The following TMEM278 variants were observed in gnomAD, a reference collection of about 807,000 sequenced individuals.
TMEM278 encodes transmembrane protein 278.
chr1:1,428,373 C>T, the TMEM278 span, among the ~76,000 whole-genome samples: 10 of 152,052 alleles, frequency 6.6e-5, no homozygotes, highest in Admixed American at 5.2e-4. Context: ...CCAGGGGTGG[C>T]GGCAGCCGGG....
At chr1:1,427,386 T>A in the TMEM278 span, among the ~76,000 whole-genome samples, 18 of 20,408 alleles carry the variant, frequency 8.8e-4, no homozygotes, top group Middle Eastern at 0.033. Context: ...CACCCTGCCC[T>A]GCTCCCCTCT....
the TMEM278 span, chr1:1,426,002 C>A: frequency 7.2e-6 from 9 of 1,252,410 alleles, 1 homozygote; most frequent in Non-Finnish European, 9.1e-6. Context: ...CCAGGGTCCA[C>A]GGTCTGGCTG....
At chr1:1,427,082 T>A in the TMEM278 span, among the ~76,000 whole-genome samples, 283 of 88,496 alleles carry the variant, frequency 3.2e-3, 2 homozygotes, top group African/African-American at 0.011. Context: ...ATCTCCCCCC[T>A]CCCTCTTCCC....
At chr1:1,428,552 C>T in the TMEM278 span, among the ~76,000 whole-genome samples, 2 of 152,188 alleles carry the variant, frequency 1.3e-5, no homozygotes, top group Non-Finnish European at 2.9e-5. Flanking sequence ...AGGTCCACAA[C>T]GTTCATCAGC....
the TMEM278 span, among the ~76,000 whole-genome samples, chr1:1,428,598 C>T: frequency 6.6e-6 from 1 of 152,214 alleles, no homozygotes; most frequent in Non-Finnish European, 1.5e-5. Flanking sequence ...CCAGTTTCAC[C>T]ACGAATTCCT....
the TMEM278 span, chr1:1,426,380 T>G: frequency 7.1e-7 from 1 of 1,411,102 alleles, no homozygotes; most frequent in Non-Finnish European, 9.3e-7. Flanking sequence ...CCTGTGCCAC[T>G]CGAGGGTGAG....
At chr1:1,428,403 C>T in the TMEM278 span, among the ~76,000 whole-genome samples, 1 of 152,084 alleles carries the variant, frequency 6.6e-6, no homozygotes, top group East Asian at 1.9e-4. Flanking sequence ...TGGCCAGGCT[C>T]GCATTCAGAC....
chr1:1,427,350 A>ACCCTG, the TMEM278 span, among the ~76,000 whole-genome samples: 2 of 59,678 alleles, frequency 3.4e-5, no homozygotes, highest in African/African-American at 1.4e-4. Context: ...CCCCTCCATC[A>ACCCTG]CCCTGCCCTG....
At chr1:1,428,415 T>C in the TMEM278 span, among the ~76,000 whole-genome samples, 7 of 152,040 alleles carry the variant, frequency 4.6e-5, no homozygotes, top group African/African-American at 1.7e-4. Context: ...CATTCAGACA[T>C]GCGCCAGCCT....
At chr1:1,427,282 C>T in the TMEM278 span, among the ~76,000 whole-genome samples, 1 of 140,094 alleles carries the variant, frequency 7.1e-6, no homozygotes, top group Admixed American at 7.0e-5. Context: ...ACCGTCCGGC[C>T]CTCACCGCCC....
chr1:1,427,279 G>A, the TMEM278 span, among the ~76,000 whole-genome samples: 1 of 100,696 alleles, frequency 9.9e-6, no homozygotes, highest in Non-Finnish European at 2.0e-5. Context: ...CTCACCGTCC[G>A]GCCCTCACCG....
the TMEM278 span, chr1:1,426,103 G>A: frequency 5.1e-6 from 7 of 1,371,860 alleles, no homozygotes; most frequent in Non-Finnish European, 6.6e-6. Context: ...CACCGCCCGG[G>A]CCACAGGCCT....
the TMEM278 span, among the ~76,000 whole-genome samples, chr1:1,427,974 GAAGAGAGGGGAGGGGAGGGGAAGAGA>G: frequency 7.1e-6 from 1 of 141,202 alleles, no homozygotes; most frequent in Non-Finnish European, 1.6e-5. Context: ...CAGGGGAGGG[GAAGAGAGGGGAGGGGAGGGGAAGAGA>G]GGGGAGGGGA....
At chr1:1,428,727 A>G in the TMEM278 span, among the ~76,000 whole-genome samples, 13 of 152,198 alleles carry the variant, frequency 8.5e-5, no homozygotes, top group African/African-American at 2.7e-4. Context: ...CAGGCCAGGC[A>G]CGGTGGCTCA....
the TMEM278 span, among the ~76,000 whole-genome samples, chr1:1,428,739 G>A: frequency 0.018 from 2,683 of 152,174 alleles, 76 homozygotes; most frequent in African/African-American, 0.061. Flanking sequence ...GGTGGCTCAC[G>A]CCTGTAATCC....
the TMEM278 span, chr1:1,426,488 C>G: frequency 1.0e-6 from 1 of 975,106 alleles, no homozygotes; most frequent in Non-Finnish European, 1.4e-6. Flanking sequence ...GCCCCTTGTC[C>G]TCAGAGACAC....
the TMEM278 span, chr1:1,427,588 T>G: frequency 9.6e-7 from 1 of 1,041,304 alleles, no homozygotes. Flanking sequence ...TGCCGCGCGC[T>G]GTTCTCAGAC....
the TMEM278 span, chr1:1,426,203 C>T: frequency 1.6e-5 from 23 of 1,415,480 alleles, no homozygotes; most frequent in Middle Eastern, 2.4e-4. Flanking sequence ...CATGCTGCCC[C>T]GGGGACCTCC....
chr1:1,428,252 G>A, the TMEM278 span, among the ~76,000 whole-genome samples: 2 of 151,570 alleles, frequency 1.3e-5, no homozygotes, highest in African/African-American at 2.4e-5. Context: ...AGGGGCGCAG[G>A]CCCCAGCCCA....
Sources: allele counts gnomAD v4.1 joint callset (sites outside exome capture counted in the v4.1 genomes callset), GRCh38; gene constraint gnomAD v4.1.1; transcripts MANE v1.5; gene names NCBI Gene and HGNC (gene_info 2026-07-23, HGNC 2026-07-21).